Variants in SCARB2 observed in about 807,000 individuals in gnomAD.
SCARB2 encodes the protein scavenger receptor class B member 2.
SCARB2 carries 29 observed loss-of-function variants against 58.6 expected under a neutral mutation model. That is an observed-to-expected ratio of 0.49 (90% CI 0.37 to 0.67). SCARB2 has a LOEUF of 0.67. Among genes scored for constraint, SCARB2 ranks in the 30% least tolerant of loss-of-function variants. SCARB2 has a pLI of 0.00. For synonymous variants in SCARB2, 195 were observed against 210.1 expected, an observed-to-expected ratio of 0.93 and a Z score of 0.62; for missense variants, 488 against 578.5, an observed-to-expected ratio of 0.84 and a Z score of 1.60.
intron 10 of SCARB2, 182 bp from the exon 11 acceptor site, chr4:76,163,565 T>G (rs911040164): frequency 2.8e-5 from 18 of 652,152 alleles, no homozygotes; most frequent in Non-Finnish European, 4.0e-5. Flanking sequence ...TAATATCTTG[T>G]CTTCTCCTGA....
chr4:76,211,516 C>T (rs1733045894), intron 1 of SCARB2, among the ~76,000 whole-genome samples: 2 of 152,206 alleles, frequency 1.3e-5, no homozygotes, highest in South Asian at 2.1e-4. Context: ...AAAGATCACA[C>T]CTTAAGGTTA....
At chr4:76,179,751 A>C (rs767442646) in intron 3 of SCARB2, 46 bp from the exon 4 acceptor site, 2 of 1,396,580 alleles carry the variant, frequency 1.4e-6, no homozygotes. Flanking sequence ...CCTCCAAAGC[A>C]CCTCCATCCA....
intron 1 of SCARB2, among the ~76,000 whole-genome samples, chr4:76,204,409 C>T (rs1459075043): frequency 6.6e-6 from 1 of 152,136 alleles, no homozygotes; most frequent in Non-Finnish European, 1.5e-5. Context: ...AGTTCAGATT[C>T]AAATGTAGCT....
chr4:76,187,971 T>C (rs563245010), intron 2 of SCARB2, among the ~76,000 whole-genome samples: 18 of 152,282 alleles, frequency 1.2e-4, no homozygotes, highest in African/African-American at 4.3e-4. Flanking sequence ...TCTTTTTAAA[T>C]AATACAAGCC....
intron 7 of SCARB2, chr4:76,173,081 A>T (rs1449210510): frequency 1.3e-5 from 2 of 152,196 alleles, no homozygotes; most frequent in African/African-American, 4.8e-5. Flanking sequence ...CTATCTAGTA[A>T]GTTCATTGTG....
At chr4:76,191,451 G>A (rs924947818) in intron 2 of SCARB2, among the ~76,000 whole-genome samples, 1 of 152,066 alleles carries the variant, frequency 6.6e-6, no homozygotes, top group African/African-American at 2.4e-5. Context: ...GCTTAGTGCT[G>A]TCCTCGAGAT....
chr4:76,213,587 G>A lies in SCARB2; in HGVS notation c.-44C>T. 1 of 1,530,430 alleles carries A rather than the reference G, an allele frequency of 6.5e-7. No homozygotes were observed. The allele number at this position is 1,530,430 out of a possible 1,614,324, so 94.8% of individuals were successfully genotyped here. On this transcript the variant is annotated 5_prime_UTR_variant, in exon 1 of 12. Transcript: ENST00000264896. ...GCCGGGCCGGGCCGCACCCGCCAGGGATCCAACTGCAAGGAGGGAGGAGCC... is the reference window on the plus strand; with the variant it reads ...GCCGGGCCGGGCCGCACCCGCCAGGAATCCAACTGCAAGGAGGGAGGAGCC...
At chr4:76,195,601 T>C in intron 2 of SCARB2, 106 bp downstream of exon 2, 1 of 923,672 alleles carries the variant, frequency 1.1e-6, no homozygotes, top group South Asian at 1.4e-5. Flanking sequence ...TCAGAAAGTG[T>C]GCTCCCACAC....
At chr4:76,180,061 C>CA in intron 3 of SCARB2, 4 of 293,448 alleles carry the variant, frequency 1.4e-5, no homozygotes, top group South Asian at 6.7e-5. Context: ...ATTATAAACC[C>CA]GACCTACACC....
chr4:76,232,534 G>A (rs1733511414), intron 1 of SCARB2, among the ~76,000 whole-genome samples: 2 of 152,136 alleles, frequency 1.3e-5, no homozygotes, highest in Non-Finnish European at 1.5e-5. Flanking sequence ...TTTACAATAA[G>A]TTAACATAAC....
chr4:76,183,554 G>A (rs1297876044), intron 2 of SCARB2, among the ~76,000 whole-genome samples: 1 of 152,026 alleles, frequency 6.6e-6, no homozygotes, highest in Admixed American at 6.6e-5. Flanking sequence ...GAACTTCCAT[G>A]CCCTCTGCAG....
At chr4:76,217,993 T>G (rs1468901110), upstream of SCARB2, among the ~76,000 whole-genome samples, 1 of 152,238 alleles carries the variant, frequency 6.6e-6, no homozygotes, top group Non-Finnish European at 1.5e-5. Flanking sequence ...CATTGTATAC[T>G]TTTATGTTCA....
intron 1 of SCARB2, among the ~76,000 whole-genome samples, chr4:76,199,443 A>G (rs1401021609): frequency 6.6e-6 from 1 of 152,266 alleles, no homozygotes; most frequent in African/African-American, 2.4e-5. Flanking sequence ...ATTTAGGAAC[A>G]AAGTGTGTGA....
In SCARB2 at chr4:76,181,117, G is replaced by C; in HGVS notation, c.276-16C>G. ...TCTGAGTTCCCTAAAAGAAAGAAAA[G>C]GGTTTTATTTGAAAATAGACACCAC... On this transcript the variant is annotated splice_polypyrimidine_tract_variant and intron_variant, in intron 2 of 11. Transcript: ENST00000264896. 1.2e-6 allele frequency: 2 copies of C among 1,611,940 alleles called. No individual in the cohort carries two copies. Among genetic ancestry groups the C allele is most frequent in the Non-Finnish European group, 1.7e-6 (2 of 1,179,116 alleles).
At chr4:76,213,351 A>T in intron 1 of SCARB2, 76 bp downstream of exon 1, 2 of 1,017,832 alleles carry the variant, frequency 2.0e-6, no homozygotes, top group Non-Finnish European at 3.1e-6. Context: ...GGTCTTTCCC[A>T]TACAAGATGT....
chr4:76,231,301 A>C (rs748348350), intron 1 of SCARB2, among the ~76,000 whole-genome samples: 2 of 152,182 alleles, frequency 1.3e-5, no homozygotes, highest in Non-Finnish European at 2.9e-5. Flanking sequence ...GGTTTTCAGG[A>C]TAATTCCTCA....
intron 1 of SCARB2, among the ~76,000 whole-genome samples, chr4:76,225,557 C>T (rs1177210512): frequency 6.6e-6 from 1 of 152,150 alleles, no homozygotes; most frequent in Admixed American, 6.5e-5. Context: ...TTAAGGTATG[C>T]CCCTTCTATT....
intron 2 of SCARB2, among the ~76,000 whole-genome samples, chr4:76,189,460 G>C (rs1468408874): frequency 7.3e-6 from 1 of 137,320 alleles, no homozygotes; most frequent in Non-Finnish European, 1.5e-5. Context: ...CCCAGCAAAA[G>C]GGTTTTTGTT....
chr4:76,209,464 A>G (rs1436893260), intron 1 of SCARB2, among the ~76,000 whole-genome samples: 1 of 151,792 alleles, frequency 6.6e-6, no homozygotes, highest in Non-Finnish European at 1.5e-5. Flanking sequence ...CGCCTCCCGG[A>G]TTCAAGCGAT....
Sources: gnomAD v4.1 joint callset for allele counts (sites outside exome capture counted in the v4.1 genomes callset) on GRCh38, gnomAD v4.1.1 for gene constraint, MANE v1.5 for transcripts, NCBI Gene and HGNC (gene_info 2026-07-23, HGNC 2026-07-21) for gene names.